CACNA1E: variants seen among roughly 807,000 people sequenced by gnomAD.
The protein encoded by CACNA1E is voltage-dependent R-type calcium channel subunit alpha-1E.
A neutral mutation model predicts 259.2 loss-of-function variants in CACNA1E; 40 were observed. The observed-to-expected ratio is 0.15, with a 90% CI of 0.12 to 0.20. The LOEUF (loss-of-function observed/expected upper bound fraction) is 0.20, where lower values mean the gene tolerates loss of function less well. Among genes scored for constraint, CACNA1E ranks in the 10% least tolerant of loss-of-function variants. The pLI is 1.00. For missense variants in CACNA1E, 1,874 were observed against 3,040.1 expected (o/e 0.62, Z 9.02); for synonymous variants, 1,104 against 1,138.5 (o/e 0.97, Z 0.61).
At chr1:181,761,328 A>T (rs909181811) in intron 32 of CACNA1E, among the ~76,000 whole-genome samples, 1 of 152,142 alleles carries the variant, frequency 6.6e-6, no homozygotes, top group Non-Finnish European at 1.5e-5. Context: ...TCCTCTTGCC[A>T]ACTCTTCCAT....
intron 1 of CACNA1E, among the ~76,000 whole-genome samples, chr1:181,319,218 A>G (rs1242939929): frequency 1.3e-5 from 2 of 152,206 alleles, no homozygotes; most frequent in Non-Finnish European, 2.9e-5. Flanking sequence ...ACACTGTGTC[A>G]TAGAGGAAAG....
intron 2 of CACNA1E, among the ~76,000 whole-genome samples, chr1:181,423,678 T>TTTTTTTTTTTTTTG (rs1658935631): frequency 2.9e-5 from 4 of 136,012 alleles, no homozygotes; most frequent in Admixed American, 1.5e-4. Flanking sequence ...TTTTTTTTTT[T>TTTTTTTTTTTTTTG]GCTGGCCTTT....
intron 1 of CACNA1E, among the ~76,000 whole-genome samples, chr1:181,379,482 A>G (rs1039743548): frequency 6.6e-6 from 1 of 152,236 alleles, no homozygotes; most frequent in African/African-American, 2.4e-5. Flanking sequence ...AACTGCCTTA[A>G]TAAGATACCA....
chr1:181,397,910 A>G (rs1668677175), intron 1 of CACNA1E, among the ~76,000 whole-genome samples: 1 of 152,248 alleles, frequency 6.6e-6, no homozygotes, highest in Non-Finnish European at 1.5e-5. Context: ...ACACTCTCCT[A>G]GCAACTGTGC....
chr1:181,545,392 C>G (rs892845463), intron 3 of CACNA1E, among the ~76,000 whole-genome samples: 1 of 152,158 alleles, frequency 6.6e-6, no homozygotes, highest in Admixed American at 6.5e-5. Context: ...TTTAGATGTT[C>G]GTCCATTCCA....
At chr1:181,659,848 G>T (rs903532237) in intron 7 of CACNA1E, among the ~76,000 whole-genome samples, 1 of 152,178 alleles carries the variant, frequency 6.6e-6, no homozygotes, top group African/African-American at 2.4e-5. Context: ...GGGGCCAGAG[G>T]TTACAATTTC....
chr1:181,779,480 C>T (rs1012915035), intron 38 of CACNA1E: 17 of 455,196 alleles, frequency 3.7e-5, no homozygotes, highest in African/African-American at 1.4e-4. Context: ...CAAATTAGTG[C>T]GGGTGATCTC....
chr1:181,527,819 C>T (rs186932052), intron 3 of CACNA1E, among the ~76,000 whole-genome samples: 1 of 152,172 alleles, frequency 6.6e-6, no homozygotes, highest in African/African-American at 2.4e-5. Context: ...CTGAGTCTTC[C>T]TCTTTTGAGA....
At chr1:181,412,736 G>A (rs932216640) in intron 1 of CACNA1E, among the ~76,000 whole-genome samples, 2 of 152,184 alleles carry the variant, frequency 1.3e-5, no homozygotes, top group Admixed American at 6.5e-5. Flanking sequence ...CCGAGGTGGG[G>A]CTGAGATGTG....
chr1:181,714,016 C>G (rs555701318), intron 8 of CACNA1E, among the ~76,000 whole-genome samples: 2 of 152,192 alleles, frequency 1.3e-5, no homozygotes, highest in Non-Finnish European at 2.9e-5. Flanking sequence ...CTTCAGTTCT[C>G]TAACACCAAC....
chr1:181,796,232 G>A (rs182017070), intron 46 of CACNA1E, among the ~76,000 whole-genome samples: 1 of 152,276 alleles, frequency 6.6e-6, no homozygotes, highest in East Asian at 1.9e-4. Flanking sequence ...ACCTGGAGAA[G>A]CCAGGATTCT....
At chr1:181,456,867 T>G (rs1009598553) in intron 2 of CACNA1E, among the ~76,000 whole-genome samples, 7 of 152,142 alleles carry the variant, frequency 4.6e-5, no homozygotes, top group Admixed American at 4.6e-4. Context: ...TGGAGAAGAC[T>G]TTTTTCTCCC....
intron 33 of CACNA1E, among the ~76,000 whole-genome samples, chr1:181,762,897 A>G (rs1658708126): frequency 6.6e-6 from 1 of 152,188 alleles, no homozygotes; most frequent in African/African-American, 2.4e-5. Flanking sequence ...CTAATGGGGT[A>G]GGTGGGATAG....
chr1:181,353,084 C>G (rs1003853556), intron 1 of CACNA1E, among the ~76,000 whole-genome samples: 1 of 152,176 alleles, frequency 6.6e-6, no homozygotes, highest in East Asian at 1.9e-4. Flanking sequence ...CTGTATCTAA[C>G]ACAGATCGTT....
chr1:181,703,740 C>T (rs916810401), intron 7 of CACNA1E, among the ~76,000 whole-genome samples: 21 of 152,142 alleles, frequency 1.4e-4, no homozygotes, highest in East Asian at 3.9e-4. Context: ...CTGCCGCCAC[C>T]GCCCTAATCC....
In CACNA1E at chr1:181,792,676, C is replaced by CCCTG. The variant is rs1553359200; in HGVS notation, c.5899-988_5899-985dup. On this transcript the variant is annotated intron_variant, in intron 44 of 47. Coordinates refer to ENST00000367573, the MANE Select transcript of CACNA1E (RefSeq NM_001205293.3). ...CAGACACTCTTTCCTTTGGGCAATG[C>CCCTG]CCTGTTTTTAGGGTGTCATTTCCTA... 7.5e-3 allele frequency among the ~76,000 whole-genome samples: 1,134 copies of CCCTG among 151,858 alleles called. 10 individuals carry two copies. The highest frequency in any genetic ancestry group is 0.023 in the African/African-American group (964 of 41,406).
At chr1:181,663,370 G>A (rs1647879491) in intron 7 of CACNA1E, among the ~76,000 whole-genome samples, 1 of 152,202 alleles carries the variant, frequency 6.6e-6, no homozygotes, top group East Asian at 1.9e-4. Flanking sequence ...GAGAGGCAGA[G>A]CTCTCCTCCC....
At chr1:181,444,168 C>T (rs1441154946) in intron 2 of CACNA1E, among the ~76,000 whole-genome samples, 1 of 152,096 alleles carries the variant, frequency 6.6e-6, no homozygotes, top group Non-Finnish European at 1.5e-5. Flanking sequence ...GCAGCATAGG[C>T]AGGGTGGCCG....
intron 1 of CACNA1E, among the ~76,000 whole-genome samples, chr1:181,380,843 C>T (rs982866646): frequency 2.0e-5 from 3 of 152,032 alleles, no homozygotes; most frequent in African/African-American, 7.2e-5. Context: ...CCATTTTACC[C>T]AAAATAATTT....
Sources: gnomAD v4.1 joint callset for allele counts (sites outside exome capture counted in the v4.1 genomes callset) on GRCh38, gnomAD v4.1.1 for gene constraint, MANE v1.5 for transcripts, NCBI Gene and HGNC (gene_info 2026-07-23, HGNC 2026-07-21) for gene names.